FHIT: variants seen among roughly 807,000 people sequenced by gnomAD.
FHIT encodes the protein fragile histidine triad diadenosine triphosphatase.
A neutral mutation model predicts 17.9 loss-of-function variants in FHIT; 19 were observed. The observed-to-expected ratio is 1.06, with a 90% CI of 0.74 to 1.56. FHIT has a LOEUF of 1.56. Ranked by LOEUF, FHIT falls within the 40% of genes most tolerant of loss-of-function variation. FHIT has a pLI of 0.00. For synonymous variants in FHIT, 81 were observed against 69.7 expected (o/e 1.16, Z -0.81); for missense variants, 248 against 189.2 (o/e 1.31, Z -1.82).
chr3:60,264,726 G>A (rs927092289), intron 5 of FHIT, among the ~76,000 whole-genome samples: 1 of 151,856 alleles, frequency 6.6e-6, no homozygotes, highest in Non-Finnish European at 1.5e-5. Flanking sequence ...TTATTTCAGT[G>A]GTTCTTGAAT....
chr3:60,307,450 G>A (rs1292355222), intron 5 of FHIT, among the ~76,000 whole-genome samples: 1 of 152,130 alleles, frequency 6.6e-6, no homozygotes, highest in Non-Finnish European at 1.5e-5. Flanking sequence ...TGATACAGGG[G>A]AATATGAACT....
intron 5 of FHIT, among the ~76,000 whole-genome samples, chr3:60,523,947 G>A (rs2035474228): frequency 6.6e-6 from 1 of 152,170 alleles, no homozygotes; most frequent in South Asian, 2.1e-4. Flanking sequence ...AACCATTGCA[G>A]TATACTGCCT....
chr3:59,874,084 G>C (rs1174139021), intron 8 of FHIT, among the ~76,000 whole-genome samples: 1 of 152,060 alleles, frequency 6.6e-6, no homozygotes, highest in African/African-American at 2.4e-5. Context: ...GGAAATGTGA[G>C]GATCATAAGC....
At chr3:60,698,987 A>G (rs1553701370) in intron 4 of FHIT, among the ~76,000 whole-genome samples, 3 of 152,342 alleles carry the variant, frequency 2.0e-5, no homozygotes, top group South Asian at 4.1e-4. Flanking sequence ...ATGATATTAT[A>G]TAACAATCAA....
chr3:59,906,508 C>G (rs562152959), intron 8 of FHIT, among the ~76,000 whole-genome samples: 3 of 152,158 alleles, frequency 2.0e-5, no homozygotes, highest in Non-Finnish European at 4.4e-5. Flanking sequence ...AACATTGAAA[C>G]CTATTTAGCA....
rs1408173207 is a variant in FHIT at position 60,364,839 on chromosome 3, ACTCT to A, written c.103+172017_103+172020del. On this transcript the variant is annotated intron_variant, in intron 5 of 9. Coordinates refer to ENST00000492590, the MANE Select transcript of FHIT (RefSeq NM_002012.4). ...AAAAAGGTAGAGGAAGGGAAAATTC[ACTCT>A]CTCTGCTTGAGCTGAAACATTCACC... Among the ~76,000 whole-genome samples the A allele has an allele frequency of 2.6e-5, 4 of 151,936 alleles. No individual in the cohort carries two copies. The East Asian group carries it at 7.8e-4, about 29-fold the overall frequency.
At chr3:60,557,884 T>C (rs76603861) in intron 4 of FHIT, among the ~76,000 whole-genome samples, 2,559 of 152,272 alleles carry the variant, frequency 0.017, 32 homozygotes, top group Non-Finnish European at 0.024. Flanking sequence ...CTTTTGCTTT[T>C]AAAATACTAT....
In FHIT at chr3:59,771,100, G is replaced by A. The variant is rs140862057; in HGVS notation, c.349-18779C>T. On this transcript the variant is annotated intron_variant, in intron 8 of 9. Transcript: ENST00000492590. ...CATGGAATTTAAATTTTCTTAGGGT[G>A]AGGGTAGCGGGATTATTTTGTTCTC... Among the ~76,000 whole-genome samples, 1,229 of 152,320 alleles carry A rather than the reference G, an allele frequency of 8.1e-3. 5 individuals carry two copies. The highest frequency in any genetic ancestry group is 0.012 in the Non-Finnish European group (836 of 68,032).
chr3:60,735,168 G>A (rs1183338334), intron 4 of FHIT, among the ~76,000 whole-genome samples: 5 of 152,208 alleles, frequency 3.3e-5, no homozygotes, highest in Non-Finnish European at 5.9e-5. Flanking sequence ...CAGAGAGCCT[G>A]TATCTTTTCT....
At chr3:60,142,092 C>T (rs1196892765) in intron 5 of FHIT, among the ~76,000 whole-genome samples, 1 of 152,140 alleles carries the variant, frequency 6.6e-6, no homozygotes, top group Non-Finnish European at 1.5e-5. Context: ...CCATCCATTC[C>T]TGTTATCCTT....
At chr3:59,986,532 T>A (rs13068123) in intron 7 of FHIT, among the ~76,000 whole-genome samples, 215 of 11,216 alleles carry the variant, frequency 0.019, no homozygotes, top group East Asian at 0.074. Context: ...TATATATATA[T>A]ATATATATAC....
chr3:61,064,117 A>C (rs548573385), intron 2 of FHIT, among the ~76,000 whole-genome samples: 1 of 152,306 alleles, frequency 6.6e-6, no homozygotes, highest in East Asian at 1.9e-4. Flanking sequence ...TGAATACTTC[A>C]TTGACATTGA....
chr3:60,456,887 C>T (rs935953626), intron 5 of FHIT, among the ~76,000 whole-genome samples: 4 of 152,018 alleles, frequency 2.6e-5, no homozygotes, highest in South Asian at 2.1e-4. Context: ...GGTGAAGGAC[C>T]TCTTCAAGGA....
At chr3:60,274,409 CA>C (rs1707023910) in intron 5 of FHIT, among the ~76,000 whole-genome samples, 1 of 152,114 alleles carries the variant, frequency 6.6e-6, no homozygotes, top group Admixed American at 6.5e-5. Flanking sequence ...AACGAAATGA[CA>C]AAATACCCTT....
At chr3:60,691,450 C>T (rs2040989054) in intron 4 of FHIT, among the ~76,000 whole-genome samples, 1 of 151,856 alleles carries the variant, frequency 6.6e-6, no homozygotes, top group South Asian at 2.1e-4. Context: ...CTCACTGTAG[C>T]CTCCACCTCC....
At chr3:59,869,422 T>C (rs1459125912) in intron 8 of FHIT, among the ~76,000 whole-genome samples, 1 of 152,016 alleles carries the variant, frequency 6.6e-6, no homozygotes, top group Non-Finnish European at 1.5e-5. Context: ...GAGTTGTATT[T>C]GATACCGAAT....
chr3:59,876,626 C>T lies in FHIT; in HGVS notation c.348+45720G>A, dbSNP rs372134466. ...GAGATAAGCCCCTGCTACAGGGTAA[C>T]ACAGGTGAAGGTCAAAATGACTAGT... On this transcript the variant is annotated intron_variant, in intron 8 of 9. Coordinates refer to ENST00000492590, the MANE Select transcript of FHIT (RefSeq NM_002012.4). Among the ~76,000 whole-genome samples, 12 of 152,324 alleles carry T rather than the reference C, an allele frequency of 7.9e-5. No individual in the cohort carries two copies. The East Asian group carries it at 2.1e-3, about 27-fold the overall frequency.
chr3:60,522,802 T>G (rs111910724), intron 5 of FHIT, among the ~76,000 whole-genome samples: 2 of 152,324 alleles, frequency 1.3e-5, no homozygotes, highest in African/African-American at 4.8e-5. Flanking sequence ...CAAGAATTGA[T>G]GCTCTTTCCT....
At chr3:61,131,685 TC>T (rs1338409441) in intron 2 of FHIT, among the ~76,000 whole-genome samples, 5 of 152,222 alleles carry the variant, frequency 3.3e-5, no homozygotes, top group African/African-American at 1.2e-4. Flanking sequence ...ATGAGCCCAG[TC>T]TGCTGTGCAC....
Sources: gnomAD v4.1 joint callset for allele counts (sites outside exome capture counted in the v4.1 genomes callset) on GRCh38, gnomAD v4.1.1 for gene constraint, MANE v1.5 for transcripts, NCBI Gene and HGNC (gene_info 2026-07-23, HGNC 2026-07-21) for gene names.